FYN: variants seen among roughly 807,000 people sequenced by gnomAD.
FYN encodes tyrosine-protein kinase Fyn.
FYN carries 10 observed loss-of-function variants against 70.2 expected under a neutral mutation model. The ratio of observed to expected loss-of-function variants is 0.14; its 90% CI spans 0.09 to 0.24. The LOEUF (loss-of-function observed/expected upper bound fraction) is 0.24. FYN is among the 10% of genes least tolerant of loss of function. FYN has a pLI of 1.00. For synonymous variants in FYN, 236 were observed against 248.6 expected, an observed-to-expected ratio of 0.95 and a Z score of 0.48; for missense variants, 319 against 673.1, an observed-to-expected ratio of 0.47 and a Z score of 5.82.
chr6:111,679,827 G>T (rs1018830036), intron 12 of FYN, among the ~76,000 whole-genome samples: 7 of 152,130 alleles, frequency 4.6e-5, no homozygotes, highest in Admixed American at 6.5e-5. Flanking sequence ...GTATCTGAGT[G>T]GGGGAGCCCC....
At chr6:111,677,553 T>C (rs1368640356) in intron 12 of FYN, among the ~76,000 whole-genome samples, 4 of 152,208 alleles carry the variant, frequency 2.6e-5, no homozygotes, top group Non-Finnish European at 5.9e-5. Flanking sequence ...TCCCAGTCTA[T>C]GAAAACAGCA....
chr6:111,776,890 C>T (rs1441047436), intron 3 of FYN, among the ~76,000 whole-genome samples: 1 of 152,224 alleles, frequency 6.6e-6, no homozygotes, highest in Non-Finnish European at 1.5e-5. Context: ...ATTGTGGTGT[C>T]ACTAGCAAAC....
At chr6:111,862,610 G>A (rs6924754) in intron 1 of FYN, among the ~76,000 whole-genome samples, 9,745 of 152,242 alleles carry the variant, frequency 0.064, 429 homozygotes, top group Non-Finnish European at 0.096. Context: ...TCAAAAAGGG[G>A]AGCGGCATAT....
chr6:111,807,461 T>C (rs1295333079), intron 2 of FYN, among the ~76,000 whole-genome samples: 2 of 152,212 alleles, frequency 1.3e-5, no homozygotes, highest in African/African-American at 2.4e-5. Flanking sequence ...CTTTGTATTA[T>C]ACTGTATTTT....
intron 1 of FYN, among the ~76,000 whole-genome samples, chr6:111,856,435 T>C (rs115861251): frequency 0.031 from 4,682 of 151,322 alleles, 152 homozygotes; most frequent in African/African-American, 0.077. Flanking sequence ...ATCACTGGCA[T>C]AGGTTAGTTA....
chr6:111,720,871 C>T (rs1006138484), intron 3 of FYN, among the ~76,000 whole-genome samples: 1 of 152,280 alleles, frequency 6.6e-6, no homozygotes, highest in East Asian at 1.9e-4. Context: ...CTCAAACCCT[C>T]TTCTCCCAGG....
At chr6:111,699,393 G>T in intron 9 of FYN, 1 of 1,030,516 alleles carries the variant, frequency 9.7e-7, no homozygotes, top group Non-Finnish European at 1.4e-6. Flanking sequence ...GATGGCCTGT[G>T]CCCGTCTAGT....
At chr6:111,862,957 T>C (rs1249703089) in intron 1 of FYN, among the ~76,000 whole-genome samples, 1 of 152,194 alleles carries the variant, frequency 6.6e-6, no homozygotes, top group Non-Finnish European at 1.5e-5. Flanking sequence ...GGTAATGGGC[T>C]TCTGGCTAAC....
intron 3 of FYN, among the ~76,000 whole-genome samples, chr6:111,777,312 G>A (rs1280169075): frequency 6.6e-6 from 1 of 151,648 alleles, no homozygotes; most frequent in African/African-American, 2.4e-5. Context: ...ACGAATTTAA[G>A]TTTTTTAGCT....
intron 3 of FYN, among the ~76,000 whole-genome samples, chr6:111,764,160 TA>T (rs77942021): frequency 6.9e-4 from 24 of 34,610 alleles, no homozygotes; most frequent in Admixed American, 1.2e-3. Flanking sequence ...AAATTTTCCA[TA>T]AAAAAAAATG....
At chr6:111,701,590 T>C (rs1364740249) in intron 8 of FYN, among the ~76,000 whole-genome samples, 4 of 152,176 alleles carry the variant, frequency 2.6e-5, no homozygotes, top group Non-Finnish European at 5.9e-5. Flanking sequence ...AAAGTGTCTA[T>C]TGTTCATATC....
intron 5 of FYN, among the ~76,000 whole-genome samples, chr6:111,712,485 T>C (rs1800428157): frequency 1.3e-5 from 2 of 152,062 alleles, no homozygotes; most frequent in African/African-American, 4.8e-5. Context: ...TTTGATAAAG[T>C]ATCTGGGCCT....
intron 2 of FYN, among the ~76,000 whole-genome samples, chr6:111,835,282 C>T (rs1773144128): frequency 6.6e-6 from 1 of 152,188 alleles, no homozygotes; most frequent in Non-Finnish European, 1.5e-5. Flanking sequence ...AAATGTTTCA[C>T]ACCATCTGCA....
At chr6:111,667,428 T>A (rs184277280) in intron 13 of FYN, among the ~76,000 whole-genome samples, 98 of 152,122 alleles carry the variant, frequency 6.4e-4, no homozygotes, top group East Asian at 1.9e-3. Context: ...TTATTTATTT[T>A]TTTTTTGTAG....
At chr6:111,734,166 C>T (rs1417048338) in intron 3 of FYN, among the ~76,000 whole-genome samples, 1 of 152,138 alleles carries the variant, frequency 6.6e-6, no homozygotes, top group African/African-American at 2.4e-5. Context: ...CACACCAATG[C>T]TGAAGGAGCC....
chr6:111,865,377 A>C (rs909078899), intron 1 of FYN, among the ~76,000 whole-genome samples: 2 of 152,178 alleles, frequency 1.3e-5, no homozygotes, highest in South Asian at 4.1e-4. Flanking sequence ...TCTCAACCAA[A>C]TATTACAACA....
At chr6:111,774,644 A>T (rs1437971780) in intron 3 of FYN, among the ~76,000 whole-genome samples, 1 of 151,522 alleles carries the variant, frequency 6.6e-6, no homozygotes, top group African/African-American at 2.4e-5. Flanking sequence ...TGGTGATAAC[A>T]TTGCACTGCC....
intron 5 of FYN, among the ~76,000 whole-genome samples, chr6:111,708,728 T>A (rs1339235987): frequency 2.0e-5 from 3 of 152,142 alleles, no homozygotes; most frequent in Non-Finnish European, 4.4e-5. Flanking sequence ...TGGCTGCGTG[T>A]GCTCGCACAG....
Position 111,675,812 on chromosome 6 carries a change from T to TAAAA in FYN, c.1274-1186_1274-1183dup, listed in dbSNP as rs1423785707. Among the ~76,000 whole-genome samples, 465 of 147,480 alleles carry TAAAA rather than the reference T, an allele frequency of 3.2e-3. 1 individual carries two copies. The highest frequency in any genetic ancestry group is 0.011 in the African/African-American group (435 of 38,550). ...CGTCTCAGAAAAAAATGAAATAAAA[T>TAAAA]AAAAATAAATAAATAAATAAATAAA... On this transcript the variant is annotated intron_variant, in intron 12 of 13. Transcript: ENST00000354650.
Sources: gnomAD v4.1 joint callset for allele counts (sites outside exome capture counted in the v4.1 genomes callset) on GRCh38, gnomAD v4.1.1 for gene constraint, MANE v1.5 for transcripts, NCBI Gene and HGNC (gene_info 2026-07-23, HGNC 2026-07-21) for gene names.